The following SYTL2 variants were observed in gnomAD, a reference collection of about 807,000 sequenced individuals.
The protein encoded by SYTL2 is synaptotagmin-like protein 2.
A neutral mutation model predicts 198.7 loss-of-function variants in SYTL2; 165 were observed. That is an observed-to-expected ratio of 0.83 (90% CI 0.73 to 0.94). The LOEUF is 0.94. Among genes scored for constraint, SYTL2 ranks in the 40% least tolerant of loss-of-function variants. The probability of loss-of-function intolerance (pLI) is 0.00; values close to 1 mark genes in which losing one functional copy is unlikely to be tolerated. For missense variants in SYTL2, 2,835 were observed against 2,582.8 expected, an observed-to-expected ratio of 1.10 and a Z score of -2.12; for synonymous variants, 966 against 917.7, an observed-to-expected ratio of 1.05 and a Z score of -0.95.
intron 17 of SYTL2, among the ~76,000 whole-genome samples, chr11:85,698,736 G>A (rs765570791): frequency 3.8e-4 from 58 of 152,108 alleles, no homozygotes; most frequent in Non-Finnish European, 4.1e-4. Context: ...ACAGAGTTTC[G>A]TCATGTTGCC....
chr11:85,731,599 C>G (rs2089836222), intron 7 of SYTL2, among the ~76,000 whole-genome samples: 1 of 152,190 alleles, frequency 6.6e-6, no homozygotes, highest in Non-Finnish European at 1.5e-5. Context: ...AGATTAAAGA[C>G]TTAAATGTAA....
the SYTL2 span, among the ~76,000 whole-genome samples, chr11:85,844,164 C>A: frequency 1.3e-5 from 2 of 152,214 alleles, no homozygotes; most frequent in Admixed American, 1.3e-4. Flanking sequence ...CGTGTAAGCC[C>A]TAGCTGAAGC....
At chr11:85,741,707 C>A (rs539006517) in intron 4 of SYTL2, among the ~76,000 whole-genome samples, 2 of 152,058 alleles carry the variant, frequency 1.3e-5, no homozygotes, top group Admixed American at 6.6e-5. Flanking sequence ...TAGGGGTAAA[C>A]GCAATAGCTA....
At chr11:85,792,949 G>A (rs1370309016) in intron 1 of SYTL2, among the ~76,000 whole-genome samples, 1 of 151,506 alleles carries the variant, frequency 6.6e-6, no homozygotes, top group African/African-American at 2.4e-5. Context: ...CCCTACAAAG[G>A]ACATGAACTC....
Position 85,695,057 on chromosome 11 carries a change from A to T in SYTL2, c.*138T>A. 1 of 776,958 alleles carries T rather than the reference A, an allele frequency of 1.3e-6. No homozygotes were observed. 48.1% of individuals were successfully genotyped at this position (776,958 alleles called of 1,614,324 possible). On this transcript the variant is annotated 3_prime_UTR_variant, in exon 20 of 20. Transcript: ENST00000359152. ...CTTGTAATCAAAGAAGCACATGCAG[A>T]TTGACTTTTACATGCTGTGTAGTAT...
chr11:85,731,308 G>C (rs997326251), intron 7 of SYTL2, among the ~76,000 whole-genome samples: 1 of 152,148 alleles, frequency 6.6e-6, no homozygotes, highest in Admixed American at 6.5e-5. Flanking sequence ...AAAGCTGGAG[G>C]CATCACGCTA....
At chr11:85,720,458 G>T (rs1340000981) in intron 9 of SYTL2, among the ~76,000 whole-genome samples, 1 of 152,152 alleles carries the variant, frequency 6.6e-6, no homozygotes, top group Admixed American at 6.5e-5. Context: ...CTCTCATAGG[G>T]TTGCTTGTGC....
intron 1 of SYTL2, among the ~76,000 whole-genome samples, chr11:85,762,990 C>T (rs2092140458): frequency 6.6e-6 from 1 of 152,104 alleles, no homozygotes; most frequent in South Asian, 2.1e-4. Context: ...GGGGATTGAG[C>T]TTCTATTTCC....
chr11:85,702,263 C>A (rs969447596), intron 16 of SYTL2, among the ~76,000 whole-genome samples: 2 of 148,686 alleles, frequency 1.3e-5, no homozygotes, highest in African/African-American at 5.0e-5. Flanking sequence ...GATCTCAGTT[C>A]ATTGCAACCA....
chr11:85,762,221 G>A (rs1413274019), intron 1 of SYTL2, among the ~76,000 whole-genome samples: 2 of 152,158 alleles, frequency 1.3e-5, no homozygotes, highest in East Asian at 1.9e-4. Context: ...TCAGAACGGG[G>A]GCAACCTCAG....
chr11:85,745,822 C>T (rs1206869098), intron 3 of SYTL2, 50 bp from the exon 4 acceptor site: 1 of 1,562,646 alleles, frequency 6.4e-7, no homozygotes, highest in South Asian at 1.2e-5. Flanking sequence ...ACCTCCATGA[C>T]CTACAACTCT....
intron 1 of SYTL2, among the ~76,000 whole-genome samples, chr11:85,797,181 C>A (rs2092816070): frequency 6.6e-6 from 1 of 152,196 alleles, no homozygotes; most frequent in African/African-American, 2.4e-5. Context: ...TTACTCTGGG[C>A]AAGCTATTCA....
Position 85,724,608 on chromosome 11 carries a change from G to A in SYTL2, c.4750C>T (p.Gln1584Ter). Residue 1584 changes from glutamine to a stop codon, truncating the protein, a stop_gained, in exon 8 of 20, where the codon CAG (glutamine) becomes TAG (stop). Transcript: ENST00000359152. LOFTEE classifies it high-confidence loss of function. ...TGAGTTTCTTCTCTCACTGACACCT[G>A]GGGCTGATAAGGAGGAGCTTCAGTT... ...EITEAPPYQP[Q>*]VSVREETHEK... 1.2e-6 allele frequency: 2 copies of A among 1,610,782 alleles called. No homozygotes were observed. Among genetic ancestry groups the A allele is most frequent in the Middle Eastern group, 3.3e-4 (2 of 6,052 alleles).
At chr11:85,825,693 A>G in the SYTL2 span, among the ~76,000 whole-genome samples, 11 of 152,226 alleles carry the variant, frequency 7.2e-5, no homozygotes, top group Admixed American at 1.3e-4. Flanking sequence ...CAGCACAAAA[A>G]TATCAAGAAA....
At chr11:85,765,081 T>C (rs1301902192) in intron 1 of SYTL2, among the ~76,000 whole-genome samples, 2 of 152,202 alleles carry the variant, frequency 1.3e-5, no homozygotes, top group Admixed American at 6.5e-5. Flanking sequence ...GTGGCTTAAG[T>C]TGGGCTTCTT....
intron 4 of SYTL2, 102 bp from the exon 5 acceptor site, chr11:85,737,758 C>T (rs947176120): frequency 2.1e-5 from 19 of 904,930 alleles, no homozygotes; most frequent in Non-Finnish European, 3.0e-5. Flanking sequence ...GGAGAGGAAG[C>T]TGGTGCAGAA....
chr11:85,715,748 T>C (rs145899745), intron 11 of SYTL2, among the ~76,000 whole-genome samples: 1,669 of 152,212 alleles, frequency 0.011, 14 homozygotes, highest in African/African-American at 0.037. Context: ...GAAACAACAA[T>C]GTGTGTGTAT....
chr11:85,835,443 G>C, the SYTL2 span, among the ~76,000 whole-genome samples: 6 of 152,202 alleles, frequency 3.9e-5, no homozygotes, highest in East Asian at 1.2e-3. Context: ...TGTTGAGCCA[G>C]GTAGTATACT....
chr11:85,748,280 T>C lies in SYTL2; in HGVS notation c.245A>G (p.Gln82Arg). ...IRASMRKKRP[Q>R]IAAEQSKDRE... ...TAGCCAAGTCAACTCACCTGCTATCTGGGGCCTCTTCTTTCTCATAGATGC... is the reference window on the plus strand; with the variant it reads ...TAGCCAAGTCAACTCACCTGCTATCCGGGGCCTCTTCTTTCTCATAGATGC... The change falls in exon 3 of 20, where the codon CAG becomes CGG. Residue 82 changes from glutamine to arginine, a missense_variant. Gln to Arg is a conservative substitution (Grantham distance 43). This residue lies in a region of SYTL2 where 2,645 missense variants were observed against 2,381.7 expected (regional missense o/e 1.11). Coordinates refer to ENST00000359152, the MANE Select transcript of SYTL2 (RefSeq NM_206927.4). 1 of 1,613,254 alleles carries C rather than the reference T, an allele frequency of 6.2e-7. No homozygotes were observed.
Sources: gnomAD v4.1 joint callset for allele counts (sites outside exome capture counted in the v4.1 genomes callset) on GRCh38, gnomAD v4.1.1 for gene constraint, gnomAD v4.1.1 regional missense constraint, MANE v1.5 for transcripts, NCBI Gene and HGNC (gene_info 2026-07-23, HGNC 2026-07-21) for gene names.